The following EPHA4 variants were observed in gnomAD, a reference collection of about 807,000 sequenced individuals.
The protein encoded by EPHA4 is ephrin type-A receptor 4.
EPHA4 carries 19 observed loss-of-function variants against 108.3 expected under a neutral mutation model. The observed-to-expected ratio is 0.18, with a 90% CI of 0.12 to 0.26. The LOEUF (loss-of-function observed/expected upper bound fraction) is 0.26, where lower values mean the gene tolerates loss of function less well. Ranked by LOEUF, EPHA4 falls within the 10% of genes least tolerant of loss-of-function variation. The pLI is 1.00. For missense variants in EPHA4, 917 were observed against 1,254.0 expected (o/e 0.73, Z 4.06); for synonymous variants, 449 against 455.5 (o/e 0.99, Z 0.18).
intron 13 of EPHA4, among the ~76,000 whole-genome samples, chr2:221,435,590 C>T (rs1474774324): frequency 6.6e-6 from 1 of 152,078 alleles, no homozygotes; most frequent in Non-Finnish European, 1.5e-5. Flanking sequence ...TAACTGTCAG[C>T]TTCGTGTTGA....
rs539990492 is a variant in EPHA4, at chr2:221,527,846, C to T, written c.824-26674G>A. Among the ~76,000 whole-genome samples the T allele has an allele frequency of 3.3e-5, 5 of 152,016 alleles. No homozygotes were observed. In the East Asian group the frequency reaches 7.9e-4, roughly 24 times the overall value. ...ATCTGTCACATGGCTAAGGAACTGT[C>T]GGAGCAGGGTGGAGTCCAAGGCAAT... On this transcript the variant is annotated intron_variant, in intron 3 of 17. Coordinates refer to ENST00000281821, the MANE Select transcript of EPHA4 (RefSeq NM_004438.5).
In EPHA4 at chr2:221,457,863, T is replaced by C. The variant is rs1369567267; in HGVS notation, c.1443+3A>G. On this transcript the variant is annotated splice_donor_region_variant and intron_variant, in intron 6 of 17. Transcript: ENST00000281821. ...AAAGGAGTGTTGTTCACTCAAGTAA[T>C]ACCTTCTCATAATACTTGACTTCAT... The C allele has an allele frequency of 1.2e-6, 2 of 1,611,042 alleles. No individual in the cohort carries two copies. Among genetic ancestry groups the C allele is most frequent in the South Asian group, 1.1e-5 (1 of 90,910 alleles).
chr2:221,572,102 TC>T, intron 1 of EPHA4, 55 bp downstream of exon 1: 2 of 1,477,072 alleles, frequency 1.4e-6, no homozygotes, highest in South Asian at 2.3e-5. Flanking sequence ...TGAGGACCCC[TC>T]ACCCGCGATG....
intron 3 of EPHA4, among the ~76,000 whole-genome samples, chr2:221,509,261 G>C (rs1186637437): frequency 6.6e-6 from 1 of 152,230 alleles, no homozygotes; most frequent in Non-Finnish European, 1.5e-5. Flanking sequence ...CCGGGAGGCG[G>C]AGGTTGCAGT....
intron 5 of EPHA4, among the ~76,000 whole-genome samples, chr2:221,474,591 G>A (rs1439050620): frequency 6.6e-6 from 1 of 152,144 alleles, no homozygotes; most frequent in Non-Finnish European, 1.5e-5. Flanking sequence ...ACCAGGCACA[G>A]AAAGGACTCT....
At chr2:221,423,336 A>G (rs1689809505) in intron 17 of EPHA4, among the ~76,000 whole-genome samples, 1 of 152,230 alleles carries the variant, frequency 6.6e-6, no homozygotes, top group Non-Finnish European at 1.5e-5. Flanking sequence ...CGGATGCCAG[A>G]GTCTGGCTCT....
Position 221,455,618 on chromosome 2 carries a change from G to A in EPHA4, c.1644C>T (p.Val548=), listed in dbSNP as rs1559248443. Residue 548 remains valine, a synonymous_variant, in exon 8 of 18, where the codon GTC becomes GTT. Transcript: ENST00000281821. ...CACTGCCCGAGACAGAGACCAGAAG[G>A]ACTGTGGAGTTAGCCCCATCTCCAA... ...RIIGDGANST[V]LLVSVSGSVV... The A allele has an allele frequency of 3.7e-6, 6 of 1,613,912 alleles. No individual in the cohort carries two copies. Among genetic ancestry groups the A allele is most frequent in the African/African-American group, 1.3e-5 (1 of 75,030 alleles).
intron 1 of EPHA4, 86 bp from the exon 2 acceptor site, chr2:221,568,871 G>GCACAGCCTCAGCACATA: frequency 8.9e-7 from 1 of 1,119,834 alleles, no homozygotes; most frequent in Non-Finnish European, 1.3e-6. Flanking sequence ...GTTTCCATAT[G>GCACAGCCTCAGCACATA]TGCTGAGGCT....
intron 3 of EPHA4, among the ~76,000 whole-genome samples, chr2:221,502,005 C>T (rs1692502722): frequency 6.6e-6 from 1 of 152,108 alleles, no homozygotes; most frequent in African/African-American, 2.4e-5. Context: ...GCACACACCT[C>T]CCGAGAGCCT....
chr2:221,568,690 T>C (rs749312712), intron 2 of EPHA4, 28 bp downstream of exon 2: 1 of 1,598,928 alleles, frequency 6.3e-7, no homozygotes, highest in South Asian at 1.1e-5. Flanking sequence ...TTTTTACCCT[T>C]TGGATCAGAG....
intron 4 of EPHA4, among the ~76,000 whole-genome samples, chr2:221,488,376 C>T (rs999183156): frequency 2.4e-4 from 36 of 152,168 alleles, no homozygotes; most frequent in Admixed American, 2.3e-3. Context: ...ACAACTCTGG[C>T]TGCTAAAGTC....
At chr2:221,544,757 T>A (rs902796237) in intron 3 of EPHA4, among the ~76,000 whole-genome samples, 1 of 152,136 alleles carries the variant, frequency 6.6e-6, no homozygotes, top group Non-Finnish European at 1.5e-5. Context: ...ACAGAGCCTA[T>A]GAGGAGTGAA....
intron 17 of EPHA4, among the ~76,000 whole-genome samples, chr2:221,422,480 T>C (rs1036845874): frequency 7.9e-5 from 12 of 152,222 alleles, no homozygotes; most frequent in African/African-American, 2.9e-4. Context: ...TGGATATCAA[T>C]AGATATTACA....
In EPHA4 at chr2:221,443,495, A is replaced by G. The variant is rs1349459325; in HGVS notation, c.1886T>C (p.Val629Ala). ...CAGACGGACACTCAGACACTTACCA[A>G]CTCCTATAACTTTTTCAATCTTAAT... is the stretch of plus-strand genomic sequence containing the variant. ...SCIKIEKVIG[V>A]GEFGEVCSGR... The change falls in exon 10 of 18, where the codon GTT becomes GCT. Residue 629 changes from valine (V) to alanine (A), a missense_variant and splice_region_variant. Physicochemically the swap from Val to Ala is moderately conservative, Grantham distance 64. Coordinates refer to ENST00000281821, the MANE Select transcript of EPHA4 (RefSeq NM_004438.5). 1.2e-6 allele frequency: 2 copies of G among 1,611,324 alleles called. No homozygotes were observed. Among genetic ancestry groups the G allele is most frequent in the South Asian group, 2.2e-5 (2 of 90,862 alleles).
At chr2:221,498,564 A>G (rs1692374119) in intron 4 of EPHA4, among the ~76,000 whole-genome samples, 1 of 152,156 alleles carries the variant, frequency 6.6e-6, no homozygotes, top group South Asian at 2.1e-4. Flanking sequence ...ATGGAGGAAC[A>G]GGAAAGAAAG....
At chr2:221,532,806 C>A (rs996259388) in intron 3 of EPHA4, 2 of 152,484 alleles carry the variant, frequency 1.3e-5, no homozygotes, top group African/African-American at 4.8e-5. Context: ...ACACGGCCAA[C>A]ACCCACCACT....
At chr2:221,556,491 T>TC (rs1660073371) in intron 3 of EPHA4, among the ~76,000 whole-genome samples, 1 of 150,772 alleles carries the variant, frequency 6.6e-6, no homozygotes, top group African/African-American at 2.4e-5. Flanking sequence ...TTTTTTTTTT[T>TC]AGTAGAGCTG....
intron 3 of EPHA4, among the ~76,000 whole-genome samples, chr2:221,510,269 G>A (rs539494346): frequency 7.2e-5 from 11 of 152,154 alleles, no homozygotes; most frequent in Non-Finnish European, 1.2e-4. Flanking sequence ...CATAGCATCT[G>A]CAGTTTAGTA....
At chr2:221,477,531 C>T (rs901636600) in intron 5 of EPHA4, among the ~76,000 whole-genome samples, 2 of 152,130 alleles carry the variant, frequency 1.3e-5, no homozygotes, top group Non-Finnish European at 2.9e-5. Flanking sequence ...CCAAAAATTG[C>T]CTCTAAACAT....
Sources: allele counts gnomAD v4.1 joint callset (sites outside exome capture counted in the v4.1 genomes callset), GRCh38; gene constraint gnomAD v4.1.1; transcripts MANE v1.5; gene names NCBI Gene and HGNC (gene_info 2026-07-23, HGNC 2026-07-21).